The following URGCP variants were observed in gnomAD, a reference collection of about 807,000 sequenced individuals.
URGCP encodes upregulator of cell proliferation.
URGCP carries 13 observed loss-of-function variants against 24.6 expected under a neutral mutation model. The ratio of observed to expected loss-of-function variants is 0.53; its 90% CI spans 0.34 to 0.84. URGCP has a LOEUF of 0.84. Ranked by LOEUF, URGCP falls within the 40% of genes least tolerant of loss-of-function variation. The probability of loss-of-function intolerance (pLI) is 0.01; values close to 1 mark genes in which losing one functional copy is unlikely to be tolerated. For missense variants in URGCP, 899 were observed against 1,194.3 expected (o/e 0.75, Z 3.64); for synonymous variants, 444 against 487.2 (o/e 0.91, Z 1.17).
intron 1 of URGCP, among the ~76,000 whole-genome samples, chr7:43,922,278 T>A (rs1179780318): frequency 6.6e-6 from 1 of 152,184 alleles, no homozygotes; most frequent in East Asian, 1.9e-4. Context: ...GCCAGGCTGG[T>A]CTCGAACTCC....
Position 43,882,100 on chromosome 7 carries a change from C to T in URGCP, c.113-143G>A, listed in dbSNP as rs2095854832. Reference sequence around the variant, plus strand: ...AGTGCTTGAGTCCAGGAGTTTGAGACCAGCCTGGGCAACAAAGCAAGACCC... The same window carrying T: ...AGTGCTTGAGTCCAGGAGTTTGAGATCAGCCTGGGCAACAAAGCAAGACCC... On this transcript the variant is annotated intron_variant, in intron 3 of 5. Coordinates refer to ENST00000453200, the MANE Select transcript of URGCP (RefSeq NM_001077663.3). 2.9e-6 allele frequency: 4 copies of T among 1,392,348 alleles called. No individual in the cohort carries two copies. In the East Asian group the frequency reaches 9.7e-5, roughly 34 times the overall value. 86.2% of individuals were successfully genotyped at this position (1,392,348 alleles called of 1,614,324 possible). A position where few individuals can be genotyped will look rare whatever the true frequency, so the allele number is the denominator to read the frequency against.
At position 43,879,237 on chromosome 7, in the gene URGCP, T is replaced by C. The variant is rs1469438241; in HGVS notation, c.226A>G (p.Met76Val). The change falls in exon 6 of 6, where the codon ATG becomes GTG. Residue 76 changes from methionine (M) to valine (V), a missense_variant. Coordinates refer to ENST00000453200, the MANE Select transcript of URGCP (RefSeq NM_001077663.3). Reference protein sequence around the residue: ...PTVERSRLQEMLSLLGLETYQ... With the variant: ...PTVERSRLQEVLSLLGLETYQ... The stretch of plus-strand genomic sequence containing the variant: ...GTCTCTAGGCCCAAAAGTGACAGCA[T>C]TTCTTGAAGCCTGCTTCTCTCCACT... 6.2e-7 allele frequency: 1 copy of C among 1,611,112 alleles called. No individual in the cohort carries two copies. The highest frequency in any genetic ancestry group is 1.1e-5 in the South Asian group (1 of 90,914).
chr7:43,881,213 C>T (rs530474434), intron 5 of URGCP: 3 of 702,838 alleles, frequency 4.3e-6, no homozygotes, highest in African/African-American at 1.7e-5. Context: ...ACAAAGAAAA[C>T]ACTTCTGCCC....
At chr7:43,917,854 C>G (rs1266531671) in intron 1 of URGCP, among the ~76,000 whole-genome samples, 1 of 152,046 alleles carries the variant, frequency 6.6e-6, no homozygotes, top group Non-Finnish European at 1.5e-5. Flanking sequence ...GTCCCAGCTA[C>G]CCAGGAAGCT....
At chr7:43,919,850 C>A in intron 1 of URGCP, 2 of 1,278,660 alleles carry the variant, frequency 1.6e-6, no homozygotes, top group Non-Finnish European at 2.3e-6. Context: ...ACACCAGCAT[C>A]TCCTCACTCT....
rs527851697 is a variant in URGCP, at chr7:43,877,085, T to C, written c.2378A>G (p.Lys793Arg). 9 of 1,614,260 alleles carry C rather than the reference T, an allele frequency of 5.6e-6. No individual in the cohort carries two copies. In the East Asian group the frequency reaches 1.3e-4, roughly 24 times the overall value. The change falls in exon 6 of 6, where the codon AAG becomes AGG. Residue 793 changes from lysine (K) to arginine (R), a missense_variant. Physicochemically the swap from Lys to Arg is conservative, Grantham distance 26. Transcript: ENST00000453200. The stretch of plus-strand genomic sequence containing the variant: ...ATGCAGAATAGCTGCTGGAATGTCC[T>C]TGGTTTCAGCTAGACTGATCACGGT... ...NVTVISLAETKDIPAAILHAF... is the reference protein window; with the variant it reads ...NVTVISLAETRDIPAAILHAF...
intron 1 of URGCP, chr7:43,919,765 TC>T: frequency 7.4e-7 from 1 of 1,359,138 alleles, no homozygotes; most frequent in Non-Finnish European, 1.1e-6. Flanking sequence ...CCCACCAGCA[TC>T]CAGGTGGCCC....
At chr7:43,922,802 G>A (rs1028056727) in intron 1 of URGCP, among the ~76,000 whole-genome samples, 2 of 151,930 alleles carry the variant, frequency 1.3e-5, no homozygotes, top group Admixed American at 6.6e-5. Flanking sequence ...AGCTGGTCCT[G>A]AACTCCTGGA....
At chr7:43,922,182 C>G (rs2095923207) in intron 1 of URGCP, among the ~76,000 whole-genome samples, 1 of 152,150 alleles carries the variant, frequency 6.6e-6, no homozygotes, top group Non-Finnish European at 1.5e-5. Context: ...CTGCCTCAGC[C>G]TCCCGAATAC....
chr7:43,900,365 G>A (rs2095887921), intron 1 of URGCP, among the ~76,000 whole-genome samples: 1 of 148,442 alleles, frequency 6.7e-6, no homozygotes, highest in Non-Finnish European at 1.5e-5. Flanking sequence ...TGAGGCAGGA[G>A]AATCGCTTGA....
upstream of URGCP, chr7:43,910,895 A>C (rs558603901): frequency 7.2e-5 from 11 of 152,238 alleles, no homozygotes; most frequent in Non-Finnish European, 1.6e-4. Context: ...CATATTGATA[A>C]GAGTCAATTC....
At chr7:43,897,444 G>A (rs1041116906) in intron 1 of URGCP, among the ~76,000 whole-genome samples, 1 of 152,132 alleles carries the variant, frequency 6.6e-6, no homozygotes, top group Non-Finnish European at 1.5e-5. Flanking sequence ...AGGCCCTAAC[G>A]TACCCAGGGA....
chr7:43,917,373 G>A (rs2132728458), intron 1 of URGCP, among the ~76,000 whole-genome samples: 1 of 152,338 alleles, frequency 6.6e-6, no homozygotes, highest in Admixed American at 6.5e-5. Flanking sequence ...GGGATGGGAT[G>A]TGGGTCTAGG....
chr7:43,921,365 G>A (rs1313820663), intron 1 of URGCP, among the ~76,000 whole-genome samples: 1 of 151,916 alleles, frequency 6.6e-6, no homozygotes, highest in Non-Finnish European at 1.5e-5. Context: ...CTAATTAACT[G>A]GCCTAAAGGA....
At chr7:43,903,317 C>T (rs1394705724) in intron 1 of URGCP, among the ~76,000 whole-genome samples, 1 of 152,150 alleles carries the variant, frequency 6.6e-6, no homozygotes, top group Non-Finnish European at 1.5e-5. Context: ...AAGGAACAAA[C>T]TTAGTATGTA....
At chr7:43,881,439 C>G (rs1045532189) in intron 5 of URGCP, among the ~76,000 whole-genome samples, 2 of 150,222 alleles carry the variant, frequency 1.3e-5, no homozygotes, top group African/African-American at 2.5e-5. Context: ...GGAGGGGGGG[C>G]CTGGTTACTC....
chr7:43,906,399 G>A, intron 1 of URGCP, 163 bp downstream of exon 1: 2 of 824,612 alleles, frequency 2.4e-6, no homozygotes, highest in Non-Finnish European at 2.9e-6. Flanking sequence ...CCCAAGGTCG[G>A]CGCGAGCGGG....
chr7:43,913,957 C>T (rs2095912912), intron 1 of URGCP, among the ~76,000 whole-genome samples: 2 of 152,136 alleles, frequency 1.3e-5, no homozygotes, highest in African/African-American at 4.8e-5. Flanking sequence ...CCTTGGCCTA[C>T]CAAAGTCCTG....
rs2095845398 is a variant in URGCP at position 43,876,894 on chromosome 7, C to T, written c.2569G>A (p.Asp857Asn). The T allele has an allele frequency of 6.2e-7, 1 of 1,613,992 alleles. No individual in the cohort carries two copies. Among genetic ancestry groups the T allele is most frequent in the Non-Finnish European group, 8.5e-7 (1 of 1,180,006 alleles). The change falls in exon 6 of 6, where the codon GAC becomes AAC. Residue 857 changes from aspartate to asparagine, a missense_variant. Physicochemically the swap from Asp to Asn is conservative, Grantham distance 23 (BLOSUM62 1). Coordinates refer to ENST00000453200, the MANE Select transcript of URGCP (RefSeq NM_001077663.3). ...AGGCCTGCCAGTGCCCGGAAGCCGT[C>T]GCCCTGTTTCTCCATCTGGGCTGCA... ...RAAAQMEKQG[D>N]GFRALAGLAF...
Sources: allele counts gnomAD v4.1 joint callset (sites outside exome capture counted in the v4.1 genomes callset), GRCh38; gene constraint gnomAD v4.1.1; transcripts MANE v1.5; gene names NCBI Gene and HGNC (gene_info 2026-07-23, HGNC 2026-07-21).